The following FMN1 variants were observed in gnomAD, a reference collection of about 807,000 sequenced individuals.
FMN1 encodes the protein formin-1.
In FMN1, 110 loss-of-function variants were observed where a neutral mutation model predicts 132.4. The ratio of observed to expected loss-of-function variants is 0.83; its 90% CI spans 0.71 to 0.97. The LOEUF is 0.97. FMN1 is among the 50% of genes least tolerant of loss of function. The pLI, the probability that FMN1 is intolerant of heterozygous loss-of-function variation, is 0.00. For missense variants in FMN1, 1,792 were observed against 1,705.3 expected, an observed-to-expected ratio of 1.05 and a Z score of -0.90; for synonymous variants, 722 against 651.7, an observed-to-expected ratio of 1.11 and a Z score of -1.64.
At chr15:33,124,234 G>A (rs1962837781) in intron 4 of FMN1, among the ~76,000 whole-genome samples, 1 of 151,216 alleles carries the variant, frequency 6.6e-6, no homozygotes, top group African/African-American at 2.5e-5. Context: ...AAGACAAAAA[G>A]GAAACAGATG....
At chr15:32,909,987 G>A (rs1422177571) in intron 11 of FMN1, among the ~76,000 whole-genome samples, 1 of 152,148 alleles carries the variant, frequency 6.6e-6, no homozygotes, top group East Asian at 1.9e-4. Context: ...GGCAATGGTA[G>A]ACACAGCTGG....
At chr15:33,089,318 A>G (rs541811081) in intron 4 of FMN1, among the ~76,000 whole-genome samples, 1 of 152,296 alleles carries the variant, frequency 6.6e-6, no homozygotes, top group East Asian at 1.9e-4. Flanking sequence ...GCTTTCCTAC[A>G]GTTCCTAAAC....
chr15:32,827,496 C>T (rs912723270), intron 17 of FMN1, among the ~76,000 whole-genome samples: 2 of 152,148 alleles, frequency 1.3e-5, no homozygotes, highest in Non-Finnish European at 2.9e-5. Flanking sequence ...CACTTTCTAA[C>T]AAAAGAGTTA....
chr15:32,938,022 A>G (rs1463460251), intron 9 of FMN1, among the ~76,000 whole-genome samples: 2 of 152,166 alleles, frequency 1.3e-5, no homozygotes. Context: ...TGTGAGGAGA[A>G]TGTATTGGAA....
At chr15:32,888,588 C>T (rs941376841) in intron 15 of FMN1, among the ~76,000 whole-genome samples, 8 of 152,206 alleles carry the variant, frequency 5.3e-5, no homozygotes, top group African/African-American at 1.9e-4. Context: ...TTGGACACTC[C>T]ACTCCCATGA....
intron 19 of FMN1, among the ~76,000 whole-genome samples, chr15:32,792,860 C>CAACCA (rs1465682014): frequency 1.3e-5 from 2 of 152,132 alleles, no homozygotes; most frequent in African/African-American, 4.8e-5. Context: ...TTAAGGACGG[C>CAACCA]AACCACAAAA....
chr15:32,896,984 C>T (rs1228916395), intron 15 of FMN1, among the ~76,000 whole-genome samples: 1 of 152,126 alleles, frequency 6.6e-6, no homozygotes, highest in Non-Finnish European at 1.5e-5. Flanking sequence ...TGAAGAAACT[C>T]CCTACTGTTT....
In FMN1 at chr15:32,794,917, C is replaced by T. The variant is rs906285625; in HGVS notation, c.4130+3887G>A. On this transcript the variant is annotated intron_variant, in intron 19 of 20. Coordinates refer to ENST00000616417, the MANE Select transcript of FMN1 (RefSeq NM_001277313.2). The stretch of plus-strand genomic sequence containing the variant: ...TGATCTTCAAGAACAACATTAGGAT[C>T]AGGCGTGGTGGCTCATGCCTGTAAT... Among the ~76,000 whole-genome samples the T allele has an allele frequency of 4.6e-5, 7 of 152,298 alleles. No individual in the cohort carries two copies. In the East Asian group the frequency reaches 5.8e-4, roughly 13 times the overall value.
chr15:33,067,660 G>C (rs1205438174), intron 5 of FMN1: 1 of 1,614,018 alleles, frequency 6.2e-7, no homozygotes, highest in East Asian at 2.2e-5. Flanking sequence ...CCAAGCCATT[G>C]CTGGAATCAT....
At chr15:33,019,280 C>T (rs927620435) in intron 6 of FMN1, among the ~76,000 whole-genome samples, 11 of 152,170 alleles carry the variant, frequency 7.2e-5, no homozygotes, top group Non-Finnish European at 7.3e-5. Flanking sequence ...TATTTACAAA[C>T]CCTGAGCGGG....
At chr15:32,822,157 T>C (rs2141109185) in intron 17 of FMN1, among the ~76,000 whole-genome samples, 1 of 152,214 alleles carries the variant, frequency 6.6e-6, no homozygotes, top group East Asian at 1.9e-4. Context: ...GAGACCAGCC[T>C]GGCCAACATG....
In FMN1 at chr15:32,899,829, A is replaced by C. The variant is rs73370842; in HGVS notation, c.3654+150T>G. On this transcript the variant is annotated intron_variant, in intron 14 of 20. Coordinates refer to ENST00000616417, the MANE Select transcript of FMN1 (RefSeq NM_001277313.2). ...AAACTCTTTATTCGAAAGTGAAAAG[A>C]AAGCAAACAAAAAAATGCATGCTCT... The C allele has an allele frequency of 3.1e-3, 2,548 of 809,750 alleles. 48 individuals are homozygous for C. In the African/African-American group the frequency reaches 0.04, roughly 13 times the overall value. 50.2% of individuals were successfully genotyped at this position (809,750 alleles called of 1,614,324 possible).
intron 6 of FMN1, among the ~76,000 whole-genome samples, chr15:33,037,094 C>G (rs942385861): frequency 6.6e-6 from 1 of 152,192 alleles, no homozygotes; most frequent in African/African-American, 2.4e-5. Flanking sequence ...TCAGTTATGA[C>G]TTCCTCAATT....
chr15:33,056,067 G>A (rs919151073), intron 6 of FMN1, among the ~76,000 whole-genome samples: 1 of 152,136 alleles, frequency 6.6e-6, no homozygotes, highest in African/African-American at 2.4e-5. Flanking sequence ...ACAAGAATGC[G>A]GAGTAACCAG....
In FMN1 at chr15:33,021,592, AC is replaced by A. The variant is rs200610085; in HGVS notation, c.2162-13518del. On this transcript the variant is annotated intron_variant, in intron 6 of 20. Transcript: ENST00000616417. ...TCTGGGATGATGATATAAAAGAGGT[AC>A]AAAAAGTCAGGAAATTCGTGGCTAT... is the stretch of plus-strand genomic sequence containing the variant. Among the ~76,000 whole-genome samples, 986 of 152,350 alleles carry A rather than the reference AC, an allele frequency of 6.5e-3. 10 individuals are homozygous for A. The highest frequency in any genetic ancestry group is 0.022 in the African/African-American group (914 of 41,574).
At chr15:32,972,720 T>C (rs557044062) in intron 7 of FMN1, among the ~76,000 whole-genome samples, 1 of 152,310 alleles carries the variant, frequency 6.6e-6, no homozygotes, top group East Asian at 1.9e-4. Context: ...ACAATCTTTC[T>C]AGATGATCTC....
intron 4 of FMN1, among the ~76,000 whole-genome samples, chr15:33,139,452 C>T (rs373200767): frequency 1.3e-5 from 2 of 151,898 alleles, no homozygotes; most frequent in African/African-American, 4.8e-5. Flanking sequence ...AAAAATTAGC[C>T]GGTGTAGACA....
At chr15:33,127,852 G>A (rs895596289) in intron 4 of FMN1, among the ~76,000 whole-genome samples, 4 of 152,212 alleles carry the variant, frequency 2.6e-5, no homozygotes, top group Non-Finnish European at 5.9e-5. Context: ...TGGTAAGAGA[G>A]AAGTGAGACA....
At chr15:33,090,673 A>C (rs1566906876) in intron 4 of FMN1, among the ~76,000 whole-genome samples, 1 of 151,946 alleles carries the variant, frequency 6.6e-6, no homozygotes, top group Non-Finnish European at 1.5e-5. Context: ...CTTGCTACCC[A>C]CTGTCTACAG....
Sources: gnomAD v4.1 joint callset for allele counts (sites outside exome capture counted in the v4.1 genomes callset) on GRCh38, gnomAD v4.1.1 for gene constraint, MANE v1.5 for transcripts, NCBI Gene and HGNC (gene_info 2026-07-23, HGNC 2026-07-21) for gene names.